PLS3: variants seen among roughly 807,000 people sequenced by gnomAD.
PLS3 encodes plastin-3.
Under a neutral mutation model 46.5 loss-of-function variants are expected in PLS3, and 11 were observed. The ratio of observed to expected loss-of-function variants is 0.24; its 90% confidence interval spans 0.15 to 0.39. The LOEUF is 0.39. Ranked by LOEUF, PLS3 falls within the 10% of genes least tolerant of loss-of-function variation. The pLI is 1.00. For synonymous variants in PLS3, 167 were observed against 162.2 expected (o/e 1.03, Z -0.22); for missense variants, 308 against 461.8 (o/e 0.67, Z 3.05).
intron 1 of PLS3, among the ~76,000 whole-genome samples, chrX:115,585,882 T>A (rs1003135680): frequency 6.3e-5 from 7 of 111,949 alleles, no homozygotes; most frequent in African/African-American, 1.9e-4. Context: ...TTTTTAATAT[T>A]TTAAGATAGT....
intron 3 of PLS3, among the ~76,000 whole-genome samples, chrX:115,627,115 G>T (rs2074718923): frequency 9.0e-6 from 1 of 111,410 alleles, no homozygotes; most frequent in Admixed American, 9.7e-5. Flanking sequence ...GCCTCCCAAA[G>T]TGCTGGGATT....
chrX:115,574,868 C>T (rs782464936), intron 1 of PLS3, among the ~76,000 whole-genome samples: 14 of 112,376 alleles, frequency 1.2e-4, no homozygotes, highest in African/African-American at 2.6e-4. Context: ...CGTGAGCCAC[C>T]GCGCCCGGCC....
intron 1 of PLS3, among the ~76,000 whole-genome samples, chrX:115,564,310 A>G (rs1014581699): frequency 8.9e-6 from 1 of 112,470 alleles, no homozygotes; most frequent in African/African-American, 3.2e-5. Context: ...CAATTGATAA[A>G]AATGACTAGG....
At chrX:115,649,371 TACGTGGTGTCCTTA>T (rs781859454) in intron 15 of PLS3, 44 bp from the exon 16 acceptor site, 2 of 1,010,338 alleles carry the variant, frequency 2.0e-6, no homozygotes, top group East Asian at 3.1e-5. Flanking sequence ...ATAGATGTCT[TACGTGGTGTCCTTA>T]ACTGACAAGA....
intron 1 of PLS3, among the ~76,000 whole-genome samples, chrX:115,610,029 A>T (rs2074533087): frequency 8.9e-6 from 1 of 112,147 alleles, no homozygotes; most frequent in Non-Finnish European, 1.9e-5. Context: ...TTAGAAGGAA[A>T]ATTCAGAAAT....
intron 2 of PLS3, among the ~76,000 whole-genome samples, chrX:115,611,475 T>TAAGCCAAGAC (rs1556636112): frequency 8.9e-6 from 1 of 112,606 alleles, no homozygotes; most frequent in African/African-American, 3.2e-5. Flanking sequence ...AGTTTTTTTT[T>TAAGCCAAGAC]TTCAAAATGA....
chrX:115,601,192 G>T (rs1033891059), intron 1 of PLS3, among the ~76,000 whole-genome samples: 27 of 109,942 alleles, frequency 2.5e-4, no homozygotes, highest in Non-Finnish European at 2.5e-4. Flanking sequence ...GAAGAAGCGG[G>T]AAAATACATG....
chrX:115,610,767 T>A, intron 2 of PLS3: 7 of 627,424 alleles, frequency 1.1e-5, no homozygotes, highest in Non-Finnish European at 1.3e-5. Context: ...CGTTATTGAC[T>A]TTTTTATGGG....
chrX:115,637,105 G>A (rs2074845519), intron 8 of PLS3, 127 bp downstream of exon 8: 1 of 616,427 alleles, frequency 1.6e-6, no homozygotes. Context: ...CCTGAAGGTA[G>A]ATTTTAGAAG....
At chrX:115,593,516 T>C (rs2074360045) in intron 1 of PLS3, 1 of 111,316 alleles carries the variant, frequency 9.0e-6, no homozygotes, top group Non-Finnish European at 1.9e-5. Context: ...TGACTTGCTC[T>C]CTAAAGTTGC....
At chrX:115,647,751 C>A in intron 14 of PLS3, 78 bp downstream of exon 14, 1 of 1,128,507 alleles carries the variant, frequency 8.9e-7, no homozygotes, top group Non-Finnish European at 1.2e-6. Flanking sequence ...CTTTTGGCTT[C>A]TTTGTGAGTG....
intron 1 of PLS3, among the ~76,000 whole-genome samples, chrX:115,608,544 C>A (rs1454873910): frequency 3.6e-5 from 4 of 111,942 alleles, no homozygotes; most frequent in Non-Finnish European, 7.5e-5. Flanking sequence ...TCAGTTGTAA[C>A]AAACGTACCA....
Position 115,575,722 on chromosome X carries a change from C to T in PLS3, c.-9+14462C>T, listed in dbSNP as rs781909887. ...CCTCCCAAAGTACTGGGATTACAGG[C>T]GTGAGCCACCGCGCCTGGCCTCTAT... On this transcript the variant is annotated intron_variant, in intron 1 of 15. Coordinates refer to ENST00000355899, the MANE Select transcript of PLS3 (RefSeq NM_005032.7). Among the ~76,000 whole-genome samples, 6 of 111,480 alleles carry T rather than the reference C, an allele frequency of 5.4e-5. No individual in the cohort carries two copies. In the East Asian group the frequency reaches 1.4e-3, roughly 26 times the overall value.
intron 1 of PLS3, among the ~76,000 whole-genome samples, chrX:115,609,158 A>G (rs1003749737): frequency 1.8e-5 from 2 of 110,945 alleles, no homozygotes; most frequent in Non-Finnish European, 3.8e-5. Context: ...AAAAGGAGAA[A>G]GGAACATGTA....
chrX:115,581,314 T>C (rs1250848808), intron 1 of PLS3, among the ~76,000 whole-genome samples: 2 of 111,774 alleles, frequency 1.8e-5, no homozygotes, highest in Non-Finnish European at 3.8e-5. Flanking sequence ...AGTTGAAATT[T>C]AGGGTAATGG....
intron 5 of PLS3, among the ~76,000 whole-genome samples, chrX:115,632,775 G>T (rs1189879487): frequency 1.8e-5 from 2 of 109,318 alleles, no homozygotes; most frequent in South Asian, 4.0e-4. Flanking sequence ...TTGAGACAGG[G>T]TCTTGCTGTG....
At chrX:115,617,634 C>T (rs1297094145) in intron 2 of PLS3, among the ~76,000 whole-genome samples, 1 of 111,934 alleles carries the variant, frequency 8.9e-6, no homozygotes, top group Non-Finnish European at 1.9e-5. Flanking sequence ...GAATCTTTAT[C>T]GGGAGATTTG....
chrX:115,603,116 A>T (rs1391981374), intron 1 of PLS3, among the ~76,000 whole-genome samples: 1 of 111,169 alleles, frequency 9.0e-6, no homozygotes, highest in Non-Finnish European at 1.9e-5. Flanking sequence ...CTCAGCAAAG[A>T]TCTGTGTTTA....
chrX:115,561,980 C>T (rs1342185657), intron 1 of PLS3, among the ~76,000 whole-genome samples: 1 of 110,861 alleles, frequency 9.0e-6, no homozygotes, highest in African/African-American at 3.3e-5. Flanking sequence ...CAGTACCTTT[C>T]CGTTCTCCCC....
Sources: gnomAD v4.1 joint callset for allele counts (sites outside exome capture counted in the v4.1 genomes callset) on GRCh38, gnomAD v4.1.1 for gene constraint, MANE v1.5 for transcripts, NCBI Gene and HGNC (gene_info 2026-07-23, HGNC 2026-07-21) for gene names.